MGA: variants seen among roughly 807,000 people sequenced by gnomAD.
MGA encodes MAX gene-associated protein.
Under a neutral mutation model 261.1 loss-of-function variants are expected in MGA, and 40 were observed. The ratio of observed to expected loss-of-function variants is 0.15; its 90% confidence interval spans 0.12 to 0.20. The LOEUF is 0.20. Among genes scored for constraint, MGA ranks in the 10% least tolerant of loss-of-function variants. The pLI, the probability that MGA is intolerant of heterozygous loss-of-function variation, is 1.00. For synonymous variants in MGA, 1,302 were observed against 1,290.6 expected, an observed-to-expected ratio of 1.01 and a Z score of -0.19; for missense variants, 3,397 against 3,630.5, an observed-to-expected ratio of 0.94 and a Z score of 1.65.
intron 5 of MGA, among the ~76,000 whole-genome samples, chr15:41,706,151 C>T (rs1446260882): frequency 1.3e-5 from 2 of 151,266 alleles, no homozygotes; most frequent in East Asian, 3.9e-4. Context: ...GCAGGAGAAT[C>T]GTTTGAACCA....
intron 1 of MGA, among the ~76,000 whole-genome samples, chr15:41,647,136 C>T (rs778220526): frequency 5.3e-5 from 8 of 152,104 alleles, no homozygotes; most frequent in Admixed American, 4.6e-4. Flanking sequence ...ATACACCCCT[C>T]GGAAAATTGA....
intron 1 of MGA, among the ~76,000 whole-genome samples, chr15:41,630,448 A>G (rs1443786129): frequency 6.6e-6 from 1 of 152,198 alleles, no homozygotes; most frequent in Non-Finnish European, 1.5e-5. Flanking sequence ...AAAAAGTTTA[A>G]AAGTTTTGCT....
chr15:41,742,371 AAG>A (rs1330728576), intron 14 of MGA, among the ~76,000 whole-genome samples, 173 bp from the exon 15 acceptor site: 1 of 152,084 alleles, frequency 6.6e-6, no homozygotes, highest in Non-Finnish European at 1.5e-5. Context: ...CCTGGGCAAC[AAG>A]AAAGAAACTC....
chr15:41,755,043 G>C, intron 18 of MGA, among the ~76,000 whole-genome samples: 1 of 152,172 alleles, frequency 6.6e-6, no homozygotes, highest in East Asian at 1.9e-4. Context: ...TTTACTAGTT[G>C]AACAGGTGAG....
intron 2 of MGA, among the ~76,000 whole-genome samples, chr15:41,693,807 G>A (rs1270304273): frequency 6.6e-6 from 1 of 152,110 alleles, no homozygotes; most frequent in Non-Finnish European, 1.5e-5. Context: ...CCTTTGAAAT[G>A]CTTTTGGACA....
chr15:41,722,164 C>G (rs1449886852), intron 9 of MGA, among the ~76,000 whole-genome samples: 3 of 124,406 alleles, frequency 2.4e-5, no homozygotes, highest in Admixed American at 1.0e-4. Flanking sequence ...GAGTCTTGCT[C>G]TCTCGCCCAG....
intron 16 of MGA, 45 bp from the exon 17 acceptor site, chr15:41,749,066 T>C (rs1292145211): frequency 6.4e-7 from 1 of 1,566,450 alleles, no homozygotes; most frequent in Non-Finnish European, 8.6e-7. Context: ...AGTCTTGATA[T>C]GGGCAGTCAT....
At chr15:41,649,973 G>A (rs556656250) in intron 1 of MGA, among the ~76,000 whole-genome samples, 29 of 152,216 alleles carry the variant, frequency 1.9e-4, no homozygotes, top group Admixed American at 3.3e-4. Flanking sequence ...GAGCCACCGC[G>A]CCCAGCCTTC....
chr15:41,753,583 T>G (rs1343203702), intron 17 of MGA, among the ~76,000 whole-genome samples: 1 of 152,166 alleles, frequency 6.6e-6, no homozygotes, highest in South Asian at 2.1e-4. Context: ...TGGGCTTTTT[T>G]GAAACCTGAA....
At position 41,699,067 on chromosome 15, in the gene MGA, A is replaced by G. The variant is rs1337920674; in HGVS notation, c.2096A>G (p.Tyr699Cys). The G allele has an allele frequency of 1.2e-6, 2 of 1,609,980 alleles. No homozygotes were observed. Among genetic ancestry groups the G allele is most frequent in the Admixed American group, 3.4e-5 (2 of 59,422 alleles). Residue 699 changes from tyrosine (Y) to cysteine (C), a missense_variant, in exon 5 of 24, where the codon TAC becomes TGC. Around this residue, in one of 9 missense-constraint regions of MGA, gnomAD observed 563 missense variants for 563.6 expected, o/e 1.00. Coordinates refer to ENST00000219905, the MANE Select transcript of MGA (RefSeq NM_001164273.2). Reference sequence around the variant, plus strand: ...TTACTATTTATTTTGGGTGTAGGTTACAGAGCAAGAATTTCCCAGTTGGAA... The same window carrying G: ...TTACTATTTATTTTGGGTGTAGGTTGCAGAGCAAGAATTTCCCAGTTGGAA...
intron 1 of MGA, among the ~76,000 whole-genome samples, chr15:41,652,266 C>T (rs2057080881): frequency 6.6e-6 from 1 of 150,666 alleles, no homozygotes; most frequent in Non-Finnish European, 1.5e-5. Flanking sequence ...AGCCACCGTG[C>T]CTGGCCTCCT....
At chr15:41,679,707 TG>T in intron 2 of MGA, among the ~76,000 whole-genome samples, 1 of 152,106 alleles carries the variant, frequency 6.6e-6, no homozygotes, top group Non-Finnish European at 1.5e-5. Flanking sequence ...GAGTGGCTTG[TG>T]TGTGTGTGTT....
intron 17 of MGA, among the ~76,000 whole-genome samples, chr15:41,752,728 G>A (rs1226482667): frequency 6.6e-6 from 1 of 151,372 alleles, no homozygotes; most frequent in East Asian, 2.0e-4. Flanking sequence ...GCTAATTTTT[G>A]TATTTTTTTA....
intron 2 of MGA, among the ~76,000 whole-genome samples, chr15:41,686,419 T>C (rs1265783071): frequency 1.3e-5 from 2 of 152,132 alleles, no homozygotes; most frequent in Non-Finnish European, 2.9e-5. Context: ...TAGGCCCAGC[T>C]ACTTGAGAGG....
intron 2 of MGA, among the ~76,000 whole-genome samples, chr15:41,672,296 G>A (rs1008496379): frequency 5.3e-5 from 8 of 152,158 alleles, no homozygotes; most frequent in African/African-American, 1.9e-4. Flanking sequence ...TGGGACTACA[G>A]GCATGCACCA....
intron 1 of MGA, among the ~76,000 whole-genome samples, chr15:41,623,609 C>A (rs1053107161): frequency 1.3e-5 from 2 of 151,320 alleles, no homozygotes; most frequent in Non-Finnish European, 2.9e-5. Flanking sequence ...CCGGGTGTGG[C>A]GATGCATGCC....
intron 9 of MGA, 90 bp downstream of exon 9, chr15:41,713,586 A>T: frequency 7.2e-7 from 1 of 1,380,372 alleles, no homozygotes; most frequent in Non-Finnish European, 9.5e-7. Context: ...CTTAATCCCG[A>T]TCAATTATCC....
intron 1 of MGA, among the ~76,000 whole-genome samples, chr15:41,663,019 G>T (rs1385977738): frequency 1.3e-5 from 2 of 152,130 alleles, no homozygotes; most frequent in South Asian, 2.1e-4. Flanking sequence ...ATTAATCATT[G>T]AATTAGGAAA....
chr15:41,728,237 AGGAGAATCACTTGAACCT>A (rs1555427269), intron 10 of MGA, among the ~76,000 whole-genome samples: 1 of 152,178 alleles, frequency 6.6e-6, no homozygotes, highest in Non-Finnish European at 1.5e-5. Context: ...AGGCTGAGGC[AGGAGAATCACTTGAACCT>A]GGGAGGCGGA....
Sources: allele counts gnomAD v4.1 joint callset (sites outside exome capture counted in the v4.1 genomes callset), GRCh38; gene constraint gnomAD v4.1.1; regional missense constraint gnomAD v4.1.1; transcripts MANE v1.5; gene names NCBI Gene and HGNC (gene_info 2026-07-23, HGNC 2026-07-21).